Variants in UACA observed in about 807,000 individuals in gnomAD.
UACA encodes uveal autoantigen with coiled-coil domains and ankyrin repeats.
In UACA, 112 loss-of-function variants were observed where a neutral mutation model predicts 160.5. The ratio of observed to expected loss-of-function variants is 0.70; its 90% CI spans 0.60 to 0.82. The LOEUF (loss-of-function observed/expected upper bound fraction) is 0.82, where lower values mean the gene tolerates loss of function less well. Ranked by LOEUF, UACA falls within the 40% of genes least tolerant of loss-of-function variation. The probability of loss-of-function intolerance (pLI) is 0.00; values close to 1 mark genes in which losing one functional copy is unlikely to be tolerated. For missense variants in UACA, 1,574 were observed against 1,614.6 expected (o/e 0.97, Z 0.43); for synonymous variants, 557 against 568.4 (o/e 0.98, Z 0.29).
the UACA span, among the ~76,000 whole-genome samples, chr15:70,771,668 A>T: frequency 1.3e-5 from 2 of 152,252 alleles, no homozygotes. Flanking sequence ...GCTAGAGAAC[A>T]AAGTGGCAGG....
rs57970349 is a variant in UACA, at chr15:70,679,402, C to CTAAATAAATAAATAAATAAA, written c.891+186_891+205dup. Among the ~76,000 whole-genome samples, 202 of 134,084 alleles carry CTAAATAAATAAATAAATAAA rather than the reference C, an allele frequency of 1.5e-3. 1 individual carries two copies. Among genetic ancestry groups the CTAAATAAATAAATAAATAAA allele is most frequent in the African/African-American group, 3.0e-3 (105 of 35,534 alleles). The allele number at this position is 134,084 out of a possible 152,430, so 88.0% of individuals were successfully genotyped here. A position where few individuals can be genotyped will look rare whatever the true frequency, so the allele number is the denominator to read the frequency against. On this transcript the variant is annotated intron_variant, in intron 10 of 18. Transcript: ENST00000322954. ...TGGGCAACAGAGCCAGACCCCATCTCTAAATAAATAAATAAATAAATAAAT... is the reference window on the plus strand; with the variant it reads ...TGGGCAACAGAGCCAGACCCCATCTCTAAATAAATAAATAAATAAATAAATAAATAAATAAATAAATAAAT...
At chr15:70,680,809 C>T (rs1385563795) in intron 9 of UACA, among the ~76,000 whole-genome samples, 2 of 152,238 alleles carry the variant, frequency 1.3e-5, no homozygotes, top group Admixed American at 6.5e-5. Context: ...TCTGGCTCCA[C>T]TTAGCAGCGA....
chr15:70,751,893 T>TA (rs947541557), intron 1 of UACA, among the ~76,000 whole-genome samples: 11 of 151,046 alleles, frequency 7.3e-5, no homozygotes, highest in South Asian at 2.1e-4. Context: ...TGTTAATTTT[T>TA]AAAAAAAAAC....
intron 1 of UACA, among the ~76,000 whole-genome samples, chr15:70,755,208 G>C (rs1044288065): frequency 1.3e-5 from 2 of 152,088 alleles, no homozygotes; most frequent in Non-Finnish European, 2.9e-5. Context: ...TCAAAATTTT[G>C]CTGGCTATTA....
intron 1 of UACA, among the ~76,000 whole-genome samples, chr15:70,738,964 A>C (rs1899449910): frequency 6.6e-6 from 1 of 152,220 alleles, no homozygotes; most frequent in Admixed American, 6.5e-5. Context: ...GAAAGAATGG[A>C]AACATGAAAG....
At chr15:70,735,680 TTG>T (rs1491076288) in intron 1 of UACA, among the ~76,000 whole-genome samples, 7 of 148,762 alleles carry the variant, frequency 4.7e-5, no homozygotes, top group African/African-American at 1.3e-4. Context: ...CAATGTATTT[TTG>T]TTTGTTTGTT....
intron 17 of UACA, among the ~76,000 whole-genome samples, chr15:70,662,068 AT>A (rs929585208): frequency 2.0e-5 from 3 of 152,202 alleles, no homozygotes; most frequent in Non-Finnish European, 4.4e-5. Flanking sequence ...AGGAAGTCAA[AT>A]TGTCCCTGTT....
chr15:70,758,342 G>T (rs961342974), intron 1 of UACA: 1 of 152,182 alleles, frequency 6.6e-6, no homozygotes, highest in African/African-American at 2.4e-5. Context: ...ATAACCATAG[G>T]AAGTTGTCTG....
intron 13 of UACA, 112 bp from the exon 14 acceptor site, chr15:70,672,113 C>T (rs1401658463): frequency 2.3e-6 from 2 of 860,966 alleles, no homozygotes; most frequent in Admixed American, 5.9e-5. Flanking sequence ...TTTTGACATT[C>T]TTGTTTCTCC....
intron 1 of UACA, among the ~76,000 whole-genome samples, chr15:70,744,915 A>G (rs902969600): frequency 1.3e-5 from 2 of 152,220 alleles, no homozygotes; most frequent in Non-Finnish European, 2.9e-5. Context: ...ACAGCCATAC[A>G]GAGAATACTA....
rs541150024 is a variant in UACA, at chr15:70,672,902, T to A, written c.1132-901A>T. Reference sequence around the variant, plus strand: ...CTGAGGTCAGGAGTTCAAGACCAGCTTGGCCAACATAGTGAAACCCCGTCT... The same window carrying A: ...CTGAGGTCAGGAGTTCAAGACCAGCATGGCCAACATAGTGAAACCCCGTCT... On this transcript the variant is annotated intron_variant, in intron 13 of 18. Transcript: ENST00000322954. Among the ~76,000 whole-genome samples, 107 of 152,014 alleles carry A rather than the reference T, an allele frequency of 7.0e-4. 1 individual carries two copies. In the East Asian group the frequency reaches 0.018, roughly 25 times the overall value.
chr15:70,684,385 T>G lies in UACA; in HGVS notation c.664A>C (p.Asn222His). 6.2e-7 allele frequency: 1 copy of G among 1,613,824 alleles called. No individual in the cohort carries two copies. Among genetic ancestry groups the G allele is most frequent in the Non-Finnish European group, 8.5e-7 (1 of 1,179,830 alleles). Reference protein sequence around the residue: ...CRDAVEVLIKNGADISLLDAL... With the variant: ...CRDAVEVLIKHGADISLLDAL... ...TCCAGCAAGCTTATATCAGCACCAT[T>G]TTTAATTAAGACTTCTACTGCATCT... Residue 222 changes from asparagine (N) to histidine (H), a missense_variant, in exon 8 of 19, where the codon AAT (asparagine) becomes CAT (histidine). By Grantham distance (68) the Asn-to-His change is moderately conservative (BLOSUM62 1). Transcript: ENST00000322954.
At chr15:70,685,242 A>G (rs1250029818) in intron 7 of UACA, among the ~76,000 whole-genome samples, 1 of 152,176 alleles carries the variant, frequency 6.6e-6, no homozygotes, top group Non-Finnish European at 1.5e-5. Flanking sequence ...AATACTAATC[A>G]TGCAACAAAA....
intron 7 of UACA, 76 bp downstream of exon 7, chr15:70,687,464 A>G: frequency 7.3e-7 from 1 of 1,377,644 alleles, no homozygotes; most frequent in Non-Finnish European, 1.0e-6. Flanking sequence ...GTCAGAGAAC[A>G]GAGCTGCTGC....
intron 3 of UACA, among the ~76,000 whole-genome samples, chr15:70,693,632 T>C (rs1432978392): frequency 6.6e-6 from 1 of 151,868 alleles, no homozygotes. Flanking sequence ...GTGCAATATA[T>C]GAAATAATGT....
At chr15:70,674,010 C>T (rs1897226059) in intron 13 of UACA, among the ~76,000 whole-genome samples, 1 of 152,068 alleles carries the variant, frequency 6.6e-6, no homozygotes, top group Non-Finnish European at 1.5e-5. Flanking sequence ...TATAGGCATG[C>T]ACCACCTCGC....
At chr15:70,763,209 G>A (rs1256763126) in intron 1 of UACA, 121 bp downstream of exon 1, 2 of 1,125,226 alleles carry the variant, frequency 1.8e-6, no homozygotes, top group Non-Finnish European at 2.3e-6. Context: ...GAGTCGCCAG[G>A]GCCGCCGAAG....
At chr15:70,689,333 C>A (rs1400624085) in intron 5 of UACA, among the ~76,000 whole-genome samples, 1 of 152,072 alleles carries the variant, frequency 6.6e-6, no homozygotes, top group Non-Finnish European at 1.5e-5. Context: ...TCCATCCTAG[C>A]TAATGCATCT....
upstream of UACA, among the ~76,000 whole-genome samples, chr15:70,767,321 G>A (rs983762246): frequency 6.6e-6 from 1 of 151,816 alleles, no homozygotes; most frequent in African/African-American, 2.4e-5. Flanking sequence ...GGGCATGGTG[G>A]CTCACAACTG....
Sources: allele counts gnomAD v4.1 joint callset (sites outside exome capture counted in the v4.1 genomes callset), GRCh38; gene constraint gnomAD v4.1.1; transcripts MANE v1.5; gene names NCBI Gene and HGNC (gene_info 2026-07-23, HGNC 2026-07-21).